Variants in MAF observed in about 807,000 individuals in gnomAD.
MAF encodes the protein transcription factor Maf.
Under a neutral mutation model 22.0 loss-of-function variants are expected in MAF, and 10 were observed. That is an observed-to-expected ratio of 0.45 (90% CI 0.28 to 0.77). The LOEUF (loss-of-function observed/expected upper bound fraction) is 0.77, where lower values mean the gene tolerates loss of function less well. Ranked by LOEUF, MAF falls within the 30% of genes least tolerant of loss-of-function variation. MAF has a pLI of 0.12. For synonymous variants in MAF, 337 were observed against 255.8 expected (o/e 1.32, Z -3.03); for missense variants, 544 against 548.4 (o/e 0.99, Z 0.08).
chr16:79,293,057 G>A, the MAF span, among the ~76,000 whole-genome samples: 1 of 152,176 alleles, frequency 6.6e-6, no homozygotes, highest in South Asian at 2.1e-4. Flanking sequence ...CAAATGAGTA[G>A]CCCATGCCAC....
chr16:79,354,906 G>C, the MAF span, among the ~76,000 whole-genome samples: 1 of 152,152 alleles, frequency 6.6e-6, no homozygotes, highest in Non-Finnish European at 1.5e-5. Flanking sequence ...GAGAGATAGT[G>C]TCAGATTAGA....
At chr16:79,308,419 G>A in the MAF span, among the ~76,000 whole-genome samples, 4 of 152,264 alleles carry the variant, frequency 2.6e-5, no homozygotes, top group African/African-American at 9.6e-5. Context: ...CTGTGTGGCT[G>A]CAGGCAGGCT....
the MAF span, among the ~76,000 whole-genome samples, chr16:79,269,454 T>C: frequency 6.6e-6 from 1 of 152,136 alleles, no homozygotes; most frequent in Non-Finnish European, 1.5e-5. Context: ...AATGGAGGTA[T>C]GGGTGGGTGT....
chr16:79,473,853 C>A, the MAF span, among the ~76,000 whole-genome samples: 20 of 152,106 alleles, frequency 1.3e-4, no homozygotes, highest in Non-Finnish European at 1.6e-4. Flanking sequence ...AAAATCAAAT[C>A]TTTGGAAAAA....
chr16:79,517,943 C>G, the MAF span, among the ~76,000 whole-genome samples: 8 of 152,148 alleles, frequency 5.3e-5, no homozygotes, highest in African/African-American at 1.9e-4. Flanking sequence ...AGGGCAGGGT[C>G]TTTTTGCCAA....
the MAF span, among the ~76,000 whole-genome samples, chr16:79,337,005 T>C: frequency 6.6e-6 from 1 of 152,152 alleles, no homozygotes. Context: ...TACTTAAATA[T>C]CCAAAGGCAT....
downstream of MAF, among the ~76,000 whole-genome samples, chr16:79,581,406 G>A (rs1382566784): frequency 1.3e-5 from 2 of 152,104 alleles, no homozygotes; most frequent in Admixed American, 1.3e-4. Context: ...TGCAGAGGGG[G>A]GAGTCAACCC....
the MAF span, among the ~76,000 whole-genome samples, chr16:79,352,360 G>T: frequency 6.6e-6 from 1 of 152,094 alleles, no homozygotes; most frequent in Non-Finnish European, 1.5e-5. Context: ...CTCCATGTTG[G>T]TCCATGGCTG....
At chr16:79,489,142 T>TCCAC in the MAF span, among the ~76,000 whole-genome samples, 2 of 151,996 alleles carry the variant, frequency 1.3e-5, no homozygotes, top group East Asian at 1.9e-4. Context: ...CACTCATCCA[T>TCCAC]CCATCCACCC....
At chr16:79,297,892 C>T in the MAF span, among the ~76,000 whole-genome samples, 1 of 152,180 alleles carries the variant, frequency 6.6e-6, no homozygotes. Context: ...ACTTGAGTCA[C>T]CTGGGGAGCC....
chr16:79,596,015 G>C, intron 1 of MAF: 1 of 1,060,678 alleles, frequency 9.4e-7, no homozygotes, highest in Non-Finnish European at 1.1e-6. Flanking sequence ...CGGTGTGTAA[G>C]AGAAGAAGGA....
the MAF span, among the ~76,000 whole-genome samples, chr16:79,250,989 G>C: frequency 2.0e-5 from 3 of 152,180 alleles, no homozygotes; most frequent in African/African-American, 4.8e-5. Context: ...TTGTAACAGT[G>C]AGTTGTTAAG....
At chr16:79,471,831 A>T in the MAF span, among the ~76,000 whole-genome samples, 1 of 152,184 alleles carries the variant, frequency 6.6e-6, no homozygotes, top group Non-Finnish European at 1.5e-5. Context: ...GTATTATCAA[A>T]TTTTCCATAA....
chr16:79,322,801 G>T, the MAF span, among the ~76,000 whole-genome samples: 1 of 152,160 alleles, frequency 6.6e-6, no homozygotes, highest in East Asian at 1.9e-4. Context: ...ATGTCACCCT[G>T]TAGTCAGCTC....
the MAF span, among the ~76,000 whole-genome samples, chr16:79,403,055 G>C: frequency 6.6e-6 from 1 of 152,154 alleles, no homozygotes; most frequent in South Asian, 2.1e-4. Context: ...ATGGATTTCA[G>C]CTCTTTGATG....
chr16:79,435,068 C>T, the MAF span, among the ~76,000 whole-genome samples: 6 of 152,178 alleles, frequency 3.9e-5, no homozygotes, highest in African/African-American at 1.2e-4. Context: ...ATCCCATCAA[C>T]GAAGACTCTG....
chr16:79,338,302 T>C, the MAF span, among the ~76,000 whole-genome samples: 1 of 152,220 alleles, frequency 6.6e-6, no homozygotes, highest in Non-Finnish European at 1.5e-5. Context: ...AAATCACAGA[T>C]GACTTTATAT....
chr16:79,371,258 G>A, the MAF span, among the ~76,000 whole-genome samples: 1 of 152,112 alleles, frequency 6.6e-6, no homozygotes. Flanking sequence ...TCCCAGAGTA[G>A]TGTTTCAAAA....
chr16:79,384,599 T>C, the MAF span, among the ~76,000 whole-genome samples: 1,160 of 149,552 alleles, frequency 7.8e-3, 17 homozygotes, highest in African/African-American at 0.028. Flanking sequence ...CTACTAAAAA[T>C]ACAAAAAATT....
Sources: gnomAD v4.1 joint callset for allele counts (sites outside exome capture counted in the v4.1 genomes callset) on GRCh38, gnomAD v4.1.1 for gene constraint, MANE v1.5 for transcripts, NCBI Gene and HGNC (gene_info 2026-07-23, HGNC 2026-07-21) for gene names.